Variants in INPP4B observed in about 807,000 individuals in gnomAD.
INPP4B encodes the protein inositol polyphosphate-4-phosphatase type II B.
A neutral mutation model predicts 122.5 loss-of-function variants in INPP4B; 55 were observed. The observed-to-expected ratio is 0.45, with a 90% CI of 0.36 to 0.56. The LOEUF (loss-of-function observed/expected upper bound fraction) is 0.56. INPP4B is among the 20% of genes least tolerant of loss of function. The pLI is 0.00. For synonymous variants in INPP4B, 403 were observed against 388.7 expected, an observed-to-expected ratio of 1.04 and a Z score of -0.43; for missense variants, 1,000 against 1,097.7, an observed-to-expected ratio of 0.91 and a Z score of 1.26.
At chr4:142,792,054 T>A (rs940636393) in intron 1 of INPP4B, among the ~76,000 whole-genome samples, 2 of 152,118 alleles carry the variant, frequency 1.3e-5, no homozygotes, top group Admixed American at 1.3e-4. Context: ...CCTCAGTTCA[T>A]CACACTGGTT....
intron 2 of INPP4B, among the ~76,000 whole-genome samples, chr4:142,689,740 T>C (rs1227222735): frequency 6.6e-6 from 1 of 152,194 alleles, no homozygotes; most frequent in Admixed American, 6.6e-5. Flanking sequence ...TCTAAAGCAT[T>C]AAAATATCTC....
chr4:142,028,694 T>C lies in INPP4B; in HGVS notation c.*88A>G. ...GATCATCTCCCCCACCACAAATTCA[T>C]GACAATAAAAACAAACAAAAAAGAC... On this transcript the variant is annotated 3_prime_UTR_variant, in exon 26 of 26. Transcript: ENST00000262992. 2.2e-6 allele frequency: 3 copies of C among 1,395,092 alleles called. No homozygotes were observed. Among genetic ancestry groups the C allele is most frequent in the Non-Finnish European group, 2.9e-6 (3 of 1,024,278 alleles). The allele number at this position is 1,395,092 out of a possible 1,614,324, so 86.4% of individuals were successfully genotyped here. A position where few individuals can be genotyped will look rare whatever the true frequency, so the allele number is the denominator to read the frequency against.
At chr4:142,153,308 C>G (rs1473433303) in intron 17 of INPP4B, among the ~76,000 whole-genome samples, 5 of 152,120 alleles carry the variant, frequency 3.3e-5, no homozygotes, top group Non-Finnish European at 1.5e-5. Context: ...ATAAATCAAG[C>G]CAACAGTCTA....
At chr4:142,217,294 T>C (rs948314844) in intron 12 of INPP4B, among the ~76,000 whole-genome samples, 1 of 152,204 alleles carries the variant, frequency 6.6e-6, no homozygotes, top group African/African-American at 2.4e-5. Flanking sequence ...GGGGCAAATG[T>C]GCTTTGAGTC....
At chr4:142,316,569 T>C (rs1411317609) in intron 7 of INPP4B, among the ~76,000 whole-genome samples, 1 of 152,152 alleles carries the variant, frequency 6.6e-6, no homozygotes, top group Non-Finnish European at 1.5e-5. Flanking sequence ...AATGCACATA[T>C]GTGTACTATT....
At position 142,530,550 on chromosome 4, in the gene INPP4B, C is replaced by CATATATAT. The variant is rs35595178; in HGVS notation, c.-190-67832_-190-67825dup. 2.6e-3 allele frequency among the ~76,000 whole-genome samples: 364 copies of CATATATAT among 140,442 alleles called. 2 individuals carry two copies. The highest frequency in any genetic ancestry group is 9.3e-3 in the African/African-American group (345 of 37,288). The allele number at this position is 140,442 out of a possible 152,430, so 92.1% of individuals were successfully genotyped here. ...AGTGATATACATATATATGTGTGTGCATATATATATATATATATATATATA... is the reference window on the plus strand; with the variant it reads ...AGTGATATACATATATATGTGTGTGCATATATATATATATATATATATATATATATATA... On this transcript the variant is annotated intron_variant, in intron 2 of 25. Transcript: ENST00000262992.
intron 9 of INPP4B, among the ~76,000 whole-genome samples, chr4:142,303,785 G>T (rs1381978901): frequency 1.3e-5 from 2 of 152,046 alleles, no homozygotes; most frequent in Non-Finnish European, 2.9e-5. Flanking sequence ...GGAATCAGGG[G>T]TATTAAAATC....
chr4:142,434,891 A>G (rs1810092738), intron 3 of INPP4B, among the ~76,000 whole-genome samples: 1 of 152,020 alleles, frequency 6.6e-6, no homozygotes, highest in Non-Finnish European at 1.5e-5. Context: ...CTGATAAACT[A>G]GAAAAAAAAA....
At chr4:142,338,576 A>G (rs1262688827) in intron 7 of INPP4B, among the ~76,000 whole-genome samples, 1 of 152,176 alleles carries the variant, frequency 6.6e-6, no homozygotes, top group Non-Finnish European at 1.5e-5. Context: ...AAATCTGCTC[A>G]TCTACCTTGA....
intron 9 of INPP4B, among the ~76,000 whole-genome samples, chr4:142,279,227 C>A (rs1455045200): frequency 6.6e-6 from 1 of 151,854 alleles, no homozygotes; most frequent in Admixed American, 6.6e-5. Context: ...TGTCAATTCT[C>A]CTCAAAGTCA....
chr4:142,393,013 T>C (rs1345809889), intron 7 of INPP4B, among the ~76,000 whole-genome samples: 9 of 152,164 alleles, frequency 5.9e-5, no homozygotes, highest in Non-Finnish European at 1.5e-5. Flanking sequence ...TGTGCTGTAT[T>C]CTCTCAAATA....
intron 2 of INPP4B, among the ~76,000 whole-genome samples, chr4:142,677,261 A>G (rs951077523): frequency 1.3e-5 from 2 of 152,240 alleles, no homozygotes; most frequent in Non-Finnish European, 2.9e-5. Context: ...ATCACTGGTC[A>G]TCAGAGAAAT....
At chr4:142,190,263 T>G (rs1333516607) in intron 15 of INPP4B, among the ~76,000 whole-genome samples, 10 of 152,044 alleles carry the variant, frequency 6.6e-5, no homozygotes, top group African/African-American at 1.7e-4. Context: ...AAAGAAAAAT[T>G]TCCTCACTTG....
At chr4:142,729,121 G>A (rs1344963671) in intron 1 of INPP4B, among the ~76,000 whole-genome samples, 1 of 152,104 alleles carries the variant, frequency 6.6e-6, no homozygotes, top group East Asian at 1.9e-4. Flanking sequence ...CCTTGCATGT[G>A]CAGCTCACAA....
At chr4:142,806,422 T>C (rs1778730939) in intron 1 of INPP4B, among the ~76,000 whole-genome samples, 1 of 151,720 alleles carries the variant, frequency 6.6e-6, no homozygotes, top group Non-Finnish European at 1.5e-5. Context: ...CACCTTTCTC[T>C]AAAACACTGC....
intron 2 of INPP4B, among the ~76,000 whole-genome samples, chr4:142,623,830 G>C (rs1473276290): frequency 6.8e-6 from 1 of 147,504 alleles, no homozygotes; most frequent in Non-Finnish European, 1.5e-5. Context: ...TTGGTTTTTT[G>C]TCCTTGCGAT....
chr4:142,757,270 A>G (rs1357295374), intron 1 of INPP4B, among the ~76,000 whole-genome samples: 2 of 152,112 alleles, frequency 1.3e-5, no homozygotes, highest in African/African-American at 2.4e-5. Context: ...TTTACAATGG[A>G]TATCTACAAT....
chr4:142,025,238 A>C lies in INPP4B; in HGVS notation c.*3544T>G, dbSNP rs1736666954. On this transcript the variant is annotated 3_prime_UTR_variant, in exon 26 of 26. Coordinates refer to ENST00000262992, the MANE Select transcript of INPP4B (RefSeq NM_001101669.3). Reference sequence around the variant, plus strand: ...AGTTTCAAGCTACGAACACCATGTTACTGAATCTGCAGTCAGGAAGAGACC... The same window carrying C: ...AGTTTCAAGCTACGAACACCATGTTCCTGAATCTGCAGTCAGGAAGAGACC... The C allele has an allele frequency of 6.6e-6, 1 of 152,170 alleles. No homozygotes were observed. Among genetic ancestry groups the C allele is most frequent in the African/African-American group, 2.4e-5 (1 of 41,440 alleles). 9.4% of individuals were successfully genotyped at this position (152,170 alleles called of 1,614,324 possible).
intron 2 of INPP4B, among the ~76,000 whole-genome samples, chr4:142,664,618 CTTATAA>C (rs773096775): frequency 3.3e-5 from 5 of 151,630 alleles, no homozygotes; most frequent in Non-Finnish European, 5.9e-5. Flanking sequence ...GTTTATAATA[CTTATAA>C]TTATAAAAAT....
Sources: allele counts gnomAD v4.1 joint callset (sites outside exome capture counted in the v4.1 genomes callset), GRCh38; gene constraint gnomAD v4.1.1; transcripts MANE v1.5; gene names NCBI Gene and HGNC (gene_info 2026-07-23, HGNC 2026-07-21).